The following CFAP77 variants were observed in gnomAD, a reference collection of about 807,000 sequenced individuals.
The protein encoded by CFAP77 is cilia- and flagella-associated protein 77.
CFAP77 carries 25 observed loss-of-function variants against 31.1 expected under a neutral mutation model. The observed-to-expected ratio is 0.80, with a 90% CI of 0.59 to 1.12. The LOEUF is 1.12. CFAP77 is among the 50% of genes most tolerant of loss of function. The pLI, the probability that CFAP77 is intolerant of heterozygous loss-of-function variation, is 0.00. For missense variants in CFAP77, 377 were observed against 397.3 expected, an observed-to-expected ratio of 0.95 and a Z score of 0.44; for synonymous variants, 151 against 159.9, an observed-to-expected ratio of 0.94 and a Z score of 0.42.
chr9:132,439,381 C>T (rs1220349705), intron 1 of CFAP77, among the ~76,000 whole-genome samples: 3 of 152,082 alleles, frequency 2.0e-5, no homozygotes, highest in East Asian at 1.9e-4. Context: ...CTTCCTTCCT[C>T]TATGAGGCTC....
chr9:132,451,807 C>CT (rs374213873), intron 1 of CFAP77, among the ~76,000 whole-genome samples: 3,685 of 141,706 alleles, frequency 0.026, 218 homozygotes, highest in Admixed American at 0.14. Flanking sequence ...TTTTTCTTTT[C>CT]TTTTTTTTTT....
chr9:132,563,183 T>C (rs1203127894), intron 5 of CFAP77, among the ~76,000 whole-genome samples: 1 of 151,746 alleles, frequency 6.6e-6, no homozygotes, highest in Non-Finnish European at 1.5e-5. Context: ...CATGCCCTGC[T>C]AAAATTTTTT....
intron 1 of CFAP77, among the ~76,000 whole-genome samples, chr9:132,454,099 G>A (rs1420310152): frequency 6.6e-6 from 1 of 152,084 alleles, no homozygotes; most frequent in East Asian, 1.9e-4. Context: ...CCAATTTGAA[G>A]AAAGGCAGCT....
At chr9:132,521,730 T>C (rs2151337) in intron 3 of CFAP77, among the ~76,000 whole-genome samples, 63,802 of 146,330 alleles carry the variant, frequency 0.44, 14,543 homozygotes, top group East Asian at 0.77. Flanking sequence ...GGGAAGCCAC[T>C]GGTTGTGCTG....
intron 3 of CFAP77, among the ~76,000 whole-genome samples, chr9:132,531,631 G>GA (rs1161770266): frequency 7.0e-6 from 1 of 143,602 alleles, no homozygotes; most frequent in Non-Finnish European, 1.6e-5. Flanking sequence ...GACATGGGGG[G>GA]GGGGGCATGG....
chr9:132,459,072 ATTTT>A (rs1158796525), intron 1 of CFAP77, among the ~76,000 whole-genome samples: 4 of 104,458 alleles, frequency 3.8e-5, no homozygotes, highest in Non-Finnish European at 8.8e-5. Flanking sequence ...CCCTGAAACT[ATTTT>A]TTTTTTTTTT....
In CFAP77 at chr9:132,410,924, GTGTC is replaced by G. The variant is rs546785111; in HGVS notation, c.195+463_195+466del. 7.4e-4 allele frequency among the ~76,000 whole-genome samples: 112 copies of G among 152,306 alleles called. 2 individuals are homozygous for G. In the Middle Eastern group the frequency reaches 0.027, roughly 37 times the overall value. The stretch of plus-strand genomic sequence containing the variant: ...GGTACGTCTATGCAGCGGTGGCTCC[GTGTC>G]TGTCCTGGAAGCATCACGTCGAATG... On this transcript the variant is annotated intron_variant, in intron 1 of 5. Transcript: ENST00000393216.
rs1851783817 is a variant in CFAP77, at chr9:132,498,606, G to A, written c.196-89G>A. On this transcript the variant is annotated intron_variant, in intron 1 of 5. Transcript: ENST00000393216. This position sits in a 1 kb window ranked among gnomAD's most constrained non-coding sequence, Gnocchi z 4.2. ...CACGGCAGGGCCTGGGGGAAATGCA[G>A]GCATCTGGTGCCTCCCTGCTGCCGG... is the stretch of plus-strand genomic sequence containing the variant. 1.0e-6 allele frequency: 1 copy of A among 984,560 alleles called. No homozygotes were observed. 61.0% of individuals were successfully genotyped at this position (984,560 alleles called of 1,614,324 possible). A position where few individuals can be genotyped will look rare whatever the true frequency, so the allele number is the denominator to read the frequency against.
At chr9:132,513,228 T>C (rs1852072156) in intron 3 of CFAP77, 2 of 1,535,538 alleles carry the variant, frequency 1.3e-6, no homozygotes. Flanking sequence ...AGCAAAACAT[T>C]TTAACCAATC....
At chr9:132,561,250 T>C in intron 5 of CFAP77, among the ~76,000 whole-genome samples, 1 of 151,980 alleles carries the variant, frequency 6.6e-6, no homozygotes, top group East Asian at 1.9e-4. Context: ...TAAAGCAAAA[T>C]CTCTCTCCCA....
Position 132,554,331 on chromosome 9 carries a change from A to C in CFAP77, c.732+11284A>C, listed in dbSNP as rs549847282. On this transcript the variant is annotated intron_variant, in intron 5 of 5. Coordinates refer to ENST00000393216, the MANE Select transcript of CFAP77 (RefSeq NM_001282957.2). The surrounding 1 kb of genome is among the most constrained non-coding windows in gnomAD (Gnocchi z 4.1). ...CTTTTCTTCAGACTATGCTTTATGC[A>C]ACCCTTATTTTTATTTTATTTATTT... Among the ~76,000 whole-genome samples, 11 of 151,930 alleles carry C rather than the reference A, an allele frequency of 7.2e-5. No homozygotes were observed. In the East Asian group the frequency reaches 2.1e-3, roughly 29 times the overall value.
chr9:132,485,517 A>T (rs1851525996), intron 1 of CFAP77, among the ~76,000 whole-genome samples: 1 of 152,204 alleles, frequency 6.6e-6, no homozygotes. Flanking sequence ...GACAGGGTAG[A>T]GGCTGGCAGC....
At chr9:132,540,086 A>G (rs927787836) in intron 4 of CFAP77, among the ~76,000 whole-genome samples, 3 of 152,096 alleles carry the variant, frequency 2.0e-5, no homozygotes, top group Non-Finnish European at 2.9e-5. Flanking sequence ...GCCTGCCACC[A>G]GGCCCAGCTA....
intron 1 of CFAP77, among the ~76,000 whole-genome samples, chr9:132,483,777 T>A (rs1181093241): frequency 2.0e-5 from 3 of 152,096 alleles, no homozygotes; most frequent in Non-Finnish European, 2.9e-5. Context: ...CACAGTCTCC[T>A]CAAGACTGAG....
rs762620014 is a variant in CFAP77 at position 132,490,247 on chromosome 9, C to G, written c.196-8448C>G. The stretch of plus-strand genomic sequence containing the variant: ...CCCCTAAAGGCCACACCCCTGAATA[C>G]TGTTGCATTGGGATTAAGTTTCAGC... On this transcript the variant is annotated intron_variant, in intron 1 of 5. Coordinates refer to ENST00000393216, the MANE Select transcript of CFAP77 (RefSeq NM_001282957.2). The surrounding 1 kb of genome is among the most constrained non-coding windows in gnomAD (Gnocchi z 4.6). Among the ~76,000 whole-genome samples the G allele has an allele frequency of 2.0e-5, 3 of 152,160 alleles. No homozygotes were observed. Among genetic ancestry groups the G allele is most frequent in the Non-Finnish European group, 4.4e-5 (3 of 68,036 alleles).
At chr9:132,450,261 G>A (rs1347127659) in intron 1 of CFAP77, among the ~76,000 whole-genome samples, 1 of 149,926 alleles carries the variant, frequency 6.7e-6, no homozygotes, top group African/African-American at 2.5e-5. Flanking sequence ...ATGAGGTAGG[G>A]AAGATATTCC....
chr9:132,490,106 G>A lies in CFAP77; in HGVS notation c.196-8589G>A, dbSNP rs759230472. 1.3e-4 allele frequency among the ~76,000 whole-genome samples: 20 copies of A among 152,152 alleles called. No homozygotes were observed. Among genetic ancestry groups the A allele is most frequent in the South Asian group, 2.1e-4 (1 of 4,816 alleles). ...ATCCCCCAGGGTGGGGACGAATGCC[G>A]TATCCTCGCATGACAGACGGACAGA... On this transcript the variant is annotated intron_variant, in intron 1 of 5. Transcript: ENST00000393216. The surrounding 1 kb of genome is among the most constrained non-coding windows in gnomAD (Gnocchi z 4.6).
At chr9:132,448,001 A>G (rs1354710702) in intron 1 of CFAP77, among the ~76,000 whole-genome samples, 1 of 152,178 alleles carries the variant, frequency 6.6e-6, no homozygotes, top group African/African-American at 2.4e-5. Context: ...TGACAATGTT[A>G]TGTGCTTTGT....
chr9:132,420,256 G>A (rs13301456), intron 1 of CFAP77, among the ~76,000 whole-genome samples: 3 of 151,494 alleles, frequency 2.0e-5, no homozygotes, highest in East Asian at 1.9e-4. Flanking sequence ...TCCAGGCAGC[G>A]CAGACGGCTG....
Sources: allele counts gnomAD v4.1 joint callset (sites outside exome capture counted in the v4.1 genomes callset), GRCh38; gene constraint gnomAD v4.1.1; non-coding constraint Gnocchi (gnomAD v3.1); transcripts MANE v1.5; gene names NCBI Gene and HGNC (gene_info 2026-07-23, HGNC 2026-07-21).